Variants in WDR27 observed in about 807,000 individuals in gnomAD.
WDR27 encodes the protein WD repeat-containing protein 27.
A neutral mutation model predicts 114.4 loss-of-function variants in WDR27; 100 were observed. That is an observed-to-expected ratio of 0.87 (90% CI 0.74 to 1.03). WDR27 has a LOEUF of 1.03. Among genes scored for constraint, WDR27 ranks in the 50% least tolerant of loss-of-function variants. The pLI, the probability that WDR27 is intolerant of heterozygous loss-of-function variation, is 0.00. For missense variants in WDR27, 1,129 were observed against 1,092.9 expected (o/e 1.03, Z -0.47); for synonymous variants, 449 against 423.1 (o/e 1.06, Z -0.75).
chr6:169,528,029 GAA>G (rs1795148524), intron 25 of WDR27, among the ~76,000 whole-genome samples: 1 of 151,970 alleles, frequency 6.6e-6, no homozygotes, highest in Non-Finnish European at 1.5e-5. Flanking sequence ...TCTTTAGAGA[GAA>G]AAATAAATGG....
At chr6:169,602,163 T>A in intron 23 of WDR27, 56 bp downstream of exon 23, 1 of 1,348,540 alleles carries the variant, frequency 7.4e-7, no homozygotes. Flanking sequence ...TTAAACAGTC[T>A]ACACATTACC....
intron 16 of WDR27, among the ~76,000 whole-genome samples, chr6:169,645,260 T>G (rs973644792): frequency 6.8e-6 from 1 of 148,082 alleles, no homozygotes; most frequent in Non-Finnish European, 1.5e-5. Context: ...TCCTAGTTCG[T>G]ATGAGTCTCA....
chr6:169,681,314 C>T (rs1049636935), intron 2 of WDR27, among the ~76,000 whole-genome samples: 8 of 152,186 alleles, frequency 5.3e-5, no homozygotes, highest in African/African-American at 1.9e-4. Flanking sequence ...TAGAAGCTAA[C>T]CCACTCATAT....
At chr6:169,457,713 G>A in intron 25 of WDR27, 79 bp from the exon 26 acceptor site, 1 of 1,130,202 alleles carries the variant, frequency 8.8e-7, no homozygotes, top group Admixed American at 2.4e-5. Context: ...TAAGCCCAAA[G>A]TGTGTTATTT....
chr6:169,518,006 C>T (rs551327693), intron 25 of WDR27, among the ~76,000 whole-genome samples: 1 of 152,276 alleles, frequency 6.6e-6, no homozygotes, highest in Non-Finnish European at 1.5e-5. Flanking sequence ...CTTAAAGTTC[C>T]AAAATAATCA....
intron 25 of WDR27, among the ~76,000 whole-genome samples, chr6:169,480,452 G>C (rs778320355): frequency 2.0e-5 from 3 of 152,266 alleles, no homozygotes; most frequent in Non-Finnish European, 2.9e-5. Flanking sequence ...CTGGTGGTCA[G>C]CTCTGCCTAA....
intron 1 of WDR27, among the ~76,000 whole-genome samples, chr6:169,690,787 G>A (rs9383516): frequency 0.5 from 75,969 of 151,896 alleles, 23,544 homozygotes; most frequent in East Asian, 0.98. Context: ...TCCAGTGCAA[G>A]GTGTGACCGT....
chr6:169,688,440 C>A (rs1471798158), intron 2 of WDR27, among the ~76,000 whole-genome samples: 1 of 152,026 alleles, frequency 6.6e-6, no homozygotes, highest in Admixed American at 6.6e-5. Flanking sequence ...TAGTTATAGT[C>A]ATTACAACAT....
Position 169,659,584 on chromosome 6 carries a change from C to T in WDR27, c.1130-66G>A. On this transcript the variant is annotated intron_variant, in intron 10 of 25. Coordinates refer to ENST00000448612, the MANE Select transcript of WDR27 (RefSeq NM_182552.5). This position sits in a 1 kb window ranked among gnomAD's most constrained non-coding sequence, Gnocchi z 4.3. ...GAGGTAGCACATACACACGGAGTCACTGCCCAGAGCCCACCACACACAGCC... is the reference window on the plus strand; with the variant it reads ...GAGGTAGCACATACACACGGAGTCATTGCCCAGAGCCCACCACACACAGCC... The T allele has an allele frequency of 3.4e-6, 5 of 1,474,934 alleles. No homozygotes were observed. In the East Asian group the frequency reaches 1.2e-4, roughly 36 times the overall value. The allele number at this position is 1,474,934 out of a possible 1,614,324, so 91.4% of individuals were successfully genotyped here. A position where few individuals can be genotyped will look rare whatever the true frequency, so the allele number is the denominator to read the frequency against.
chr6:169,602,467 G>A, intron 22 of WDR27, 146 bp from the exon 23 acceptor site: 1 of 570,258 alleles, frequency 1.8e-6, no homozygotes, highest in Non-Finnish European at 3.2e-6. Context: ...ATTATTAAAT[G>A]GTTAATGGGT....
intron 23 of WDR27, among the ~76,000 whole-genome samples, chr6:169,587,718 A>T (rs949754783): frequency 6.6e-6 from 1 of 152,248 alleles, no homozygotes; most frequent in African/African-American, 2.4e-5. Context: ...TGCCTTTCTC[A>T]TAACAATCCT....
intron 7 of WDR27, 80 bp from the exon 8 acceptor site, chr6:169,664,366 G>A: frequency 6.2e-7 from 1 of 1,603,492 alleles, no homozygotes; most frequent in Non-Finnish European, 8.5e-7. Context: ...AGGTGGAGCA[G>A]GGAGGGCAGA....
At chr6:169,538,221 C>T (rs951204495) in intron 25 of WDR27, among the ~76,000 whole-genome samples, 2 of 152,268 alleles carry the variant, frequency 1.3e-5, no homozygotes, top group South Asian at 2.1e-4. Flanking sequence ...TGGTGAAACA[C>T]CTTGTGTGTA....
chr6:169,617,409 C>T (rs937843953), intron 21 of WDR27, among the ~76,000 whole-genome samples: 1 of 152,162 alleles, frequency 6.6e-6, no homozygotes, highest in East Asian at 1.9e-4. Flanking sequence ...GAGTTTCACT[C>T]TTGTTGTTCA....
chr6:169,651,797 CT>C, intron 14 of WDR27, 132 bp downstream of exon 14: 1 of 758,656 alleles, frequency 1.3e-6, no homozygotes, highest in Non-Finnish European at 2.1e-6. Context: ...CACATTTTAA[CT>C]TCTGTTTCTA....
chr6:169,529,442 G>C (rs1795336659), intron 25 of WDR27, among the ~76,000 whole-genome samples: 1 of 151,780 alleles, frequency 6.6e-6, no homozygotes, highest in East Asian at 1.9e-4. Flanking sequence ...AAAACGTTTA[G>C]AAATAATATT....
intron 22 of WDR27, among the ~76,000 whole-genome samples, chr6:169,609,704 C>T (rs1454232614): frequency 2.6e-5 from 4 of 152,212 alleles, no homozygotes; most frequent in Non-Finnish European, 5.9e-5. Context: ...GACATTTTCC[C>T]ATTGTCTTGG....
At chr6:169,685,615 G>A (rs914181086) in intron 2 of WDR27, among the ~76,000 whole-genome samples, 2 of 152,086 alleles carry the variant, frequency 1.3e-5, no homozygotes, top group African/African-American at 4.8e-5. Flanking sequence ...GCTTCATCAC[G>A]CTGAAGAAAG....
intron 25 of WDR27, among the ~76,000 whole-genome samples, chr6:169,507,973 A>C (rs1314762770): frequency 6.6e-6 from 1 of 152,230 alleles, no homozygotes; most frequent in Non-Finnish European, 1.5e-5. Flanking sequence ...GGTTTATTTT[A>C]AATCTTCATA....
Sources: gnomAD v4.1 joint callset for allele counts (sites outside exome capture counted in the v4.1 genomes callset) on GRCh38, gnomAD v4.1.1 for gene constraint, Gnocchi (gnomAD v3.1) non-coding constraint, MANE v1.5 for transcripts, NCBI Gene and HGNC (gene_info 2026-07-23, HGNC 2026-07-21) for gene names.